GALNT17: variants seen among roughly 807,000 people sequenced by gnomAD.
The protein encoded by GALNT17 is polypeptide N-acetylgalactosaminyltransferase 17, also known as UDP-GalNAc:polypeptide N-acetylgalactosaminyltransferase-like 3.
A neutral mutation model predicts 63.7 loss-of-function variants in GALNT17; 29 were observed. The observed-to-expected ratio is 0.46, with a 90% CI of 0.34 to 0.62. The LOEUF is 0.62. GALNT17 is among the 20% of genes least tolerant of loss of function. The pLI is 0.01. For missense variants in GALNT17, 603 were observed against 799.6 expected (o/e 0.75, Z 2.97); for synonymous variants, 305 against 318.3 (o/e 0.96, Z 0.45).
rs563496725 is a variant in GALNT17, at chr7:71,489,696, T to C, written c.962+68591T>C. ...GCTTACATACAGGGGAGAGAGTCCA[T>C]TGGCGGCGGGCTGGGCAGGAAAACT... On this transcript the variant is annotated intron_variant, in intron 5 of 10. Transcript: ENST00000333538. Among the ~76,000 whole-genome samples, 12 of 152,322 alleles carry C rather than the reference T, an allele frequency of 7.9e-5. No individual in the cohort carries two copies. In the East Asian group the frequency reaches 2.1e-3, roughly 27 times the overall value.
rs1310725042 is a variant in GALNT17, at chr7:71,349,890, C to T, written c.422+14157C>T. On this transcript the variant is annotated intron_variant, in intron 2 of 10. Transcript: ENST00000333538. ...ATGATCTTGAAGTTGTTTAAATAGA[C>T]TTATCTTCATTGTGATGAATGCAGC... Among the ~76,000 whole-genome samples, 7 of 152,178 alleles carry T rather than the reference C, an allele frequency of 4.6e-5. No individual in the cohort carries two copies. In the East Asian group the frequency reaches 1.3e-3, roughly 29 times the overall value.
chr7:71,144,116 T>C (rs752483984), intron 1 of GALNT17, among the ~76,000 whole-genome samples: 5 of 152,104 alleles, frequency 3.3e-5, no homozygotes, highest in Admixed American at 3.3e-4. Context: ...ACCTGAGCCC[T>C]CTCTCAGGCT....
rs150196482 is a variant in GALNT17, at chr7:71,229,140, A to G, written c.238+96100A>G. On this transcript the variant is annotated intron_variant, in intron 1 of 10. Coordinates refer to ENST00000333538, the MANE Select transcript of GALNT17 (RefSeq NM_022479.3). ...TTTGCCCCGGGTGCTGCATTGTGAC[A>G]GCGTGATTCTTGGAGGAGATATAGC... Among the ~76,000 whole-genome samples, 743 of 152,314 alleles carry G rather than the reference A, an allele frequency of 4.9e-3. 9 individuals carry two copies. The highest frequency in any genetic ancestry group is 0.017 in the African/African-American group (713 of 41,582).
intron 1 of GALNT17, among the ~76,000 whole-genome samples, chr7:71,276,524 C>T (rs944490492): frequency 2.0e-5 from 3 of 152,126 alleles, no homozygotes; most frequent in Non-Finnish European, 4.4e-5. Flanking sequence ...ATGCTGTTCT[C>T]ATGATAGTGA....
At chr7:71,241,505 G>C (rs1232962894) in intron 1 of GALNT17, among the ~76,000 whole-genome samples, 1 of 152,200 alleles carries the variant, frequency 6.6e-6, no homozygotes, top group African/African-American at 2.4e-5. Flanking sequence ...GTGAACCAAA[G>C]TGCCACGTTC....
intron 5 of GALNT17, 66 bp downstream of exon 5, chr7:71,421,171 A>G: frequency 6.4e-7 from 1 of 1,564,438 alleles, no homozygotes; most frequent in South Asian, 1.1e-5. Flanking sequence ...GGAGCTACTG[A>G]GAGAGGCCAG....
intron 5 of GALNT17, among the ~76,000 whole-genome samples, chr7:71,547,422 G>T (rs1789004250): frequency 6.6e-6 from 1 of 151,978 alleles, no homozygotes; most frequent in Non-Finnish European, 1.5e-5. Flanking sequence ...CCAAAGTGCT[G>T]AGATTATAGG....
chr7:71,205,876 G>A (rs148248564), intron 1 of GALNT17, among the ~76,000 whole-genome samples: 1 of 151,870 alleles, frequency 6.6e-6, no homozygotes, highest in African/African-American at 2.4e-5. Flanking sequence ...AAATAAGTAG[G>A]TTATTTCTAA....
At chr7:71,252,057 T>A (rs942246387) in intron 1 of GALNT17, among the ~76,000 whole-genome samples, 3 of 152,094 alleles carry the variant, frequency 2.0e-5, no homozygotes, top group Non-Finnish European at 2.9e-5. Context: ...GAGCAAATTG[T>A]CCTTCCGACA....
chr7:71,448,804 G>T (rs1787205415), intron 5 of GALNT17, among the ~76,000 whole-genome samples: 1 of 152,046 alleles, frequency 6.6e-6, no homozygotes, highest in Admixed American at 6.6e-5. Context: ...CATTAACTAT[G>T]TATGGATTTT....
At chr7:71,210,572 TTAAC>T (rs777724524) in intron 1 of GALNT17, among the ~76,000 whole-genome samples, 1 of 152,184 alleles carries the variant, frequency 6.6e-6, no homozygotes, top group Non-Finnish European at 1.5e-5. Context: ...ATATTATAAT[TTAAC>T]TAATAAGTAA....
chr7:71,669,593 G>A (rs1016211311), intron 7 of GALNT17, among the ~76,000 whole-genome samples: 30 of 138,752 alleles, frequency 2.2e-4, no homozygotes, highest in South Asian at 4.6e-4. Flanking sequence ...ACAAAGTCTC[G>A]CACTGTCACC....
intron 3 of GALNT17, among the ~76,000 whole-genome samples, chr7:71,407,408 G>A (rs1197269130): frequency 6.6e-6 from 1 of 152,094 alleles, no homozygotes; most frequent in East Asian, 1.9e-4. Flanking sequence ...GAACCCCCTG[G>A]CCACAGAATA....
intron 5 of GALNT17, among the ~76,000 whole-genome samples, chr7:71,452,848 C>G (rs1165681855): frequency 6.6e-6 from 1 of 152,036 alleles, no homozygotes; most frequent in East Asian, 1.9e-4. Context: ...TGTTTTCTGG[C>G]CAGTTATGTA....
chr7:71,447,717 G>C (rs1046793694), intron 5 of GALNT17, among the ~76,000 whole-genome samples: 1 of 152,154 alleles, frequency 6.6e-6, no homozygotes, highest in African/African-American at 2.4e-5. Flanking sequence ...TCCCTGCACA[G>C]CTTTTTGTTT....
At chr7:71,265,118 A>ATATATATATATATATTTTTTT (rs1390488895) in intron 1 of GALNT17, among the ~76,000 whole-genome samples, 1 of 37,462 alleles carries the variant, frequency 2.7e-5, no homozygotes, top group East Asian at 5.6e-4. Flanking sequence ...ATATATATAT[A>ATATATATATATATATTTTTTT]TTTTTTTTTT....
intron 1 of GALNT17, among the ~76,000 whole-genome samples, chr7:71,272,954 A>G (rs1790618993): frequency 6.9e-6 from 1 of 145,434 alleles, no homozygotes; most frequent in South Asian, 2.1e-4. Context: ...GAAATGTTCA[A>G]TTCAGAGAAG....
chr7:71,473,423 A>T (rs895094052), intron 5 of GALNT17, among the ~76,000 whole-genome samples: 2 of 152,244 alleles, frequency 1.3e-5, no homozygotes, highest in Non-Finnish European at 2.9e-5. Flanking sequence ...GCCATTTCAA[A>T]ATAAGTCAAA....
intron 6 of GALNT17, among the ~76,000 whole-genome samples, chr7:71,656,437 A>T (rs1584116583): frequency 6.6e-6 from 1 of 152,018 alleles, no homozygotes; most frequent in East Asian, 1.9e-4. Flanking sequence ...GATTGAGGGG[A>T]GCTGCAGAGA....
Sources: gnomAD v4.1 joint callset for allele counts (sites outside exome capture counted in the v4.1 genomes callset) on GRCh38, gnomAD v4.1.1 for gene constraint, MANE v1.5 for transcripts, NCBI Gene and HGNC (gene_info 2026-07-23, HGNC 2026-07-21) for gene names.